DLGAP2: variants seen among roughly 807,000 people sequenced by gnomAD.
The protein encoded by DLGAP2 is disks large-associated protein 2.
A neutral mutation model predicts 100.3 loss-of-function variants in DLGAP2; 26 were observed. That is an observed-to-expected ratio of 0.26 (90% CI 0.19 to 0.36). The LOEUF is 0.36. Among genes scored for constraint, DLGAP2 ranks in the 10% least tolerant of loss-of-function variants. The pLI, the probability that DLGAP2 is intolerant of heterozygous loss-of-function variation, is 1.00. For synonymous variants in DLGAP2, 886 were observed against 630.1 expected, an observed-to-expected ratio of 1.41 and a Z score of -6.08; for missense variants, 1,858 against 1,453.2, an observed-to-expected ratio of 1.28 and a Z score of -4.53.
chr8:1,383,203 A>C (rs562344693), intron 3 of DLGAP2, among the ~76,000 whole-genome samples: 29 of 152,350 alleles, frequency 1.9e-4, no homozygotes, highest in African/African-American at 6.3e-4. Flanking sequence ...AACGAGAAAA[A>C]TAAGGGATTT....
intron 3 of DLGAP2, among the ~76,000 whole-genome samples, chr8:1,351,943 AAGGC>A: frequency 1.4e-5 from 1 of 71,070 alleles, no homozygotes; most frequent in East Asian, 6.5e-4. Flanking sequence ...TGTGTGTGGA[AAGGC>A]CGTGCGGGTC....
At chr8:1,257,204 C>T (rs1799243366) in intron 2 of DLGAP2, among the ~76,000 whole-genome samples, 2 of 152,104 alleles carry the variant, frequency 1.3e-5, no homozygotes, top group Admixed American at 6.5e-5. Flanking sequence ...CAACCCTCTC[C>T]CGCTCACCCA....
chr8:1,376,742 C>T (rs544158310), intron 3 of DLGAP2, among the ~76,000 whole-genome samples: 22 of 146,314 alleles, frequency 1.5e-4, no homozygotes, highest in Non-Finnish European at 2.7e-4. Flanking sequence ...GATGTGTGGT[C>T]ATCGGCGGAT....
intron 4 of DLGAP2, among the ~76,000 whole-genome samples, chr8:1,528,133 G>A (rs555549900): frequency 4.1e-4 from 62 of 152,296 alleles, no homozygotes; most frequent in African/African-American, 1.4e-3. Context: ...CCTCCACCCC[G>A]TCGGACGCAG....
intron 2 of DLGAP2, among the ~76,000 whole-genome samples, chr8:1,248,977 C>T (rs1315514419): frequency 6.6e-6 from 1 of 152,130 alleles, no homozygotes; most frequent in African/African-American, 2.4e-5. Context: ...AGCTCAGCCA[C>T]AATGTAAGAG....
intron 3 of DLGAP2, among the ~76,000 whole-genome samples, chr8:1,475,414 C>G (rs965759635): frequency 6.6e-6 from 1 of 152,176 alleles, no homozygotes; most frequent in African/African-American, 2.4e-5. Context: ...TTTCATCCCC[C>G]TGAAGTGCCC....
At chr8:912,735 A>G (rs1383304188) in intron 2 of DLGAP2, among the ~76,000 whole-genome samples, 2 of 117,794 alleles carry the variant, frequency 1.7e-5, no homozygotes, top group African/African-American at 3.4e-5. Flanking sequence ...CCCCTGCGCT[A>G]TGGTGCCCAC....
rs773225206 is a variant in DLGAP2, at chr8:1,518,467, A to G, written c.172+17036A>G. ...GTATGCTTGTGCATTTACAAGGCAC[A>G]TAGAACAAAGCTGACATTTATATAA... On this transcript the variant is annotated intron_variant, in intron 4 of 14. Coordinates refer to ENST00000637795, the MANE Select transcript of DLGAP2 (RefSeq NM_001346810.2). Among the ~76,000 whole-genome samples, 9 of 152,358 alleles carry G rather than the reference A, an allele frequency of 5.9e-5. 1 individual carries two copies. Among genetic ancestry groups the G allele is most frequent in the Non-Finnish European group, 8.8e-5 (6 of 68,036 alleles).
At chr8:1,446,152 A>G (rs1797981340) in intron 3 of DLGAP2, among the ~76,000 whole-genome samples, 2 of 152,060 alleles carry the variant, frequency 1.3e-5, no homozygotes, top group Non-Finnish European at 2.9e-5. Context: ...TGTTTTAGAC[A>G]TGAAGTCCTT....
intron 3 of DLGAP2, among the ~76,000 whole-genome samples, chr8:1,363,149 C>T (rs1332245711): frequency 1.3e-5 from 2 of 152,236 alleles, no homozygotes; most frequent in African/African-American, 4.8e-5. Context: ...CACACAAAAC[C>T]ATCTGCAGGT....
At chr8:1,110,030 C>T (rs1412349691) in intron 2 of DLGAP2, among the ~76,000 whole-genome samples, 1 of 131,976 alleles carries the variant, frequency 7.6e-6, no homozygotes, top group African/African-American at 3.0e-5. Flanking sequence ...GTGAGGTGTG[C>T]ACGTGCCTAT....
chr8:975,530 A>G (rs528906684), intron 2 of DLGAP2, among the ~76,000 whole-genome samples: 2 of 152,340 alleles, frequency 1.3e-5, no homozygotes, highest in South Asian at 4.1e-4. Context: ...CTAACAACGT[A>G]TAAAAATAAT....
chr8:803,699 A>G (rs1236250787), intron 1 of DLGAP2, among the ~76,000 whole-genome samples: 2 of 152,250 alleles, frequency 1.3e-5, no homozygotes, highest in Admixed American at 1.3e-4. Flanking sequence ...CATGGTTAGT[A>G]GGAGTGGTTG....
At chr8:1,466,419 C>T (rs1258425909) in intron 3 of DLGAP2, among the ~76,000 whole-genome samples, 1 of 152,034 alleles carries the variant, frequency 6.6e-6, no homozygotes, top group Admixed American at 6.5e-5. Context: ...CCACTGGAAC[C>T]ACGCGTGCAG....
chr8:812,056 A>G lies in DLGAP2; in HGVS notation c.18+74231A>G, dbSNP rs191220531. Among the ~76,000 whole-genome samples the G allele has an allele frequency of 3.9e-5, 6 of 152,320 alleles. No homozygotes were observed. In the East Asian group the frequency reaches 9.7e-4, roughly 25 times the overall value. ...GCCTGTACTGGTCGAGGTTCTCCAG[A>G]GAAACGGGATCAGTAGGATGTGTGT... On this transcript the variant is annotated intron_variant, in intron 1 of 14. Coordinates refer to ENST00000637795, the MANE Select transcript of DLGAP2 (RefSeq NM_001346810.2).
chr8:758,968 C>A (rs1191216070), intron 1 of DLGAP2, among the ~76,000 whole-genome samples: 3 of 151,166 alleles, frequency 2.0e-5, no homozygotes, highest in African/African-American at 7.3e-5. Flanking sequence ...TTATCAATAA[C>A]CCCCACAACC....
chr8:804,239 A>G (rs984682296), intron 1 of DLGAP2, among the ~76,000 whole-genome samples: 3 of 152,190 alleles, frequency 2.0e-5, no homozygotes, highest in East Asian at 1.9e-4. Context: ...CTTGAAGTCT[A>G]TTTTAGTCCA....
intron 3 of DLGAP2, among the ~76,000 whole-genome samples, chr8:1,287,721 A>T (rs1347433010): frequency 5.6e-5 from 3 of 53,222 alleles, no homozygotes; most frequent in Admixed American, 2.7e-4. Context: ...GTGTGTGTGT[A>T]TGTGTGTGTG....
intron 2 of DLGAP2, among the ~76,000 whole-genome samples, chr8:999,495 T>TC (rs1381251650): frequency 1.3e-5 from 2 of 151,106 alleles, no homozygotes; most frequent in Non-Finnish European, 3.0e-5. Context: ...TTTTTTTTTT[T>TC]CCCGATGGAG....
Sources: allele counts gnomAD v4.1 joint callset (sites outside exome capture counted in the v4.1 genomes callset), GRCh38; gene constraint gnomAD v4.1.1; transcripts MANE v1.5; gene names NCBI Gene and HGNC (gene_info 2026-07-23, HGNC 2026-07-21).